ATP2B2: variants seen among roughly 807,000 people sequenced by gnomAD.
The protein encoded by ATP2B2 is ATPase plasma membrane Ca2+ transporting 2.
In ATP2B2, 15 loss-of-function variants were observed where a neutral mutation model predicts 120.0. The ratio of observed to expected loss-of-function variants is 0.12; its 90% confidence interval spans 0.08 to 0.19. The LOEUF (loss-of-function observed/expected upper bound fraction) is 0.19, where lower values mean the gene tolerates loss of function less well. ATP2B2 is among the 10% of genes least tolerant of loss of function. ATP2B2 has a pLI of 1.00. For synonymous variants in ATP2B2, 694 were observed against 700.3 expected (o/e 0.99, Z 0.14); for missense variants, 1,045 against 1,719.8 (o/e 0.61, Z 6.94).
At chr3:10,332,973 G>A (rs757124168) in intron 22 of ATP2B2, among the ~76,000 whole-genome samples, 4 of 152,188 alleles carry the variant, frequency 2.6e-5, no homozygotes, top group African/African-American at 4.8e-5. Context: ...AGTCAGAAGA[G>A]TGCACCAATT....
At position 10,449,785 on chromosome 3, in the gene ATP2B2, T is replaced by C; in HGVS notation, c.-242A>G. 1 of 580,744 alleles carries C rather than the reference T, an allele frequency of 1.7e-6. No homozygotes were observed. Among genetic ancestry groups the C allele is most frequent in the South Asian group, 1.9e-5 (1 of 52,452 alleles). The allele number at this position is 580,744 out of a possible 1,614,324, so 36.0% of individuals were successfully genotyped here. On this transcript the variant is annotated 5_prime_UTR_variant, in exon 2 of 23. Coordinates refer to ENST00000360273, the MANE Select transcript of ATP2B2 (RefSeq NM_001001331.4). ...CAGGGGCCGGAGGGGCTCAGGGCTG[T>C]AGACCCAGGAGTCTCCATTCAGTGG...
intron 2 of ATP2B2, among the ~76,000 whole-genome samples, chr3:10,431,652 TTTG>T (rs1167610130): frequency 6.6e-6 from 1 of 152,188 alleles, no homozygotes; most frequent in Non-Finnish European, 1.5e-5. Flanking sequence ...GAGACATTGT[TTTG>T]TTGTTTTTGA....
chr3:10,564,132 A>T (rs2067959646), intron 2 of ATP2B2, among the ~76,000 whole-genome samples: 1 of 152,188 alleles, frequency 6.6e-6, no homozygotes. Context: ...TAGAATCTCG[A>T]TCTTGTCAGC....
rs540014910 is a variant in ATP2B2, at chr3:10,326,817, G to T, written c.*1997C>A. 2.3e-5 allele frequency: 9 copies of T among 398,938 alleles called. No homozygotes were observed. The highest frequency in any genetic ancestry group is 1.6e-4 in the African/African-American group (8 of 48,706). The allele number at this position is 398,938 out of a possible 1,614,324, so 24.7% of individuals were successfully genotyped here. A position where few individuals can be genotyped will look rare whatever the true frequency, so the allele number is the denominator to read the frequency against. On this transcript the variant is annotated 3_prime_UTR_variant, in exon 23 of 23. Transcript: ENST00000360273. ...CCCCAAACCCTCAAGTTTTTCCACC[G>T]CCATCCAGATGTAGGCCCTCCCAGT...
chr3:10,520,735 C>T (rs571776932), intron 3 of ATP2B2, among the ~76,000 whole-genome samples: 31 of 150,424 alleles, frequency 2.1e-4, no homozygotes, highest in African/African-American at 5.4e-4. Context: ...GGATTACAGG[C>T]GTGAGCCACC....
chr3:10,370,798 G>T (rs1468465041), intron 12 of ATP2B2, among the ~76,000 whole-genome samples: 1 of 152,194 alleles, frequency 6.6e-6, no homozygotes, highest in East Asian at 1.9e-4. Context: ...AAGCTTAGCT[G>T]ATCACCCAGA....
intron 1 of ATP2B2, among the ~76,000 whole-genome samples, chr3:10,703,250 T>C (rs1393233451): frequency 6.6e-6 from 1 of 152,216 alleles, no homozygotes; most frequent in African/African-American, 2.4e-5. Context: ...AATCAGCGTC[T>C]CTGCCCTTTC....
At chr3:10,414,164 G>C (rs571207464) in intron 2 of ATP2B2, among the ~76,000 whole-genome samples, 1 of 152,210 alleles carries the variant, frequency 6.6e-6, no homozygotes, top group African/African-American at 2.4e-5. Flanking sequence ...AGAAAAAGTA[G>C]GTGAGGCCAG....
chr3:10,471,963 C>T (rs2065025504), intron 1 of ATP2B2, among the ~76,000 whole-genome samples: 1 of 151,434 alleles, frequency 6.6e-6, no homozygotes, highest in South Asian at 2.1e-4. Context: ...CGCCTGTAGT[C>T]CCAGCTACTC....
Position 10,420,151 on chromosome 3 carries a change from G to A in ATP2B2, c.200-9336C>T, listed in dbSNP as rs549619285. Among the ~76,000 whole-genome samples the A allele has an allele frequency of 2.6e-5, 4 of 152,324 alleles. No homozygotes were observed. The East Asian group carries it at 7.7e-4, about 29-fold the overall frequency. On this transcript the variant is annotated intron_variant, in intron 2 of 22. Transcript: ENST00000360273. ...AAAGGTGTGTGGCACAGGCTGAGTG[G>A]GGGAGGGCACCACGTGCTTCATATC...
intron 3 of ATP2B2, among the ~76,000 whole-genome samples, chr3:10,523,690 C>T (rs1019028600): frequency 1.3e-5 from 2 of 152,102 alleles, no homozygotes; most frequent in African/African-American, 4.8e-5. Context: ...AGGAAAAATG[C>T]CCCCTTGATG....
At chr3:10,579,189 G>T (rs575681279) in intron 2 of ATP2B2, among the ~76,000 whole-genome samples, 1 of 152,310 alleles carries the variant, frequency 6.6e-6, no homozygotes, top group Non-Finnish European at 1.5e-5. Context: ...CTCAACCAAC[G>T]ATTGCTAAAG....
rs1032418759 is a variant in ATP2B2 at position 10,514,601 on chromosome 3, C to G, written c.-320+19438G>C. On this transcript the variant is annotated intron_variant, in intron 3 of 21. Coordinates refer to the ATP2B2 transcript ENST00000646379. ...CCTGAGGCCCACAGAGTGGTCACCA[C>G]CGGCCTTGAGCACACTGCAGCCAGG... is the stretch of plus-strand genomic sequence containing the variant. Among the ~76,000 whole-genome samples the G allele has an allele frequency of 2.0e-5, 3 of 152,340 alleles. No homozygotes were observed. The South Asian group carries it at 6.2e-4, about 32-fold the overall frequency.
intron 1 of ATP2B2, among the ~76,000 whole-genome samples, chr3:10,476,089 T>C (rs74434195): frequency 2.6e-5 from 4 of 152,298 alleles, no homozygotes; most frequent in Non-Finnish European, 4.4e-5. Flanking sequence ...AAGCATGAGT[T>C]ACCCCGCTAA....
intron 1 of ATP2B2, among the ~76,000 whole-genome samples, chr3:10,486,316 T>C (rs571217429): frequency 2.0e-5 from 2 of 100,810 alleles, no homozygotes; most frequent in South Asian, 7.8e-4. Context: ...GCCAGGTGTG[T>C]GTGCGTGCGT....
intron 1 of ATP2B2, among the ~76,000 whole-genome samples, chr3:10,486,330 T>TGCGTGTGTGTGC (rs138585062): frequency 1.3e-5 from 2 of 149,130 alleles, no homozygotes; most frequent in African/African-American, 2.5e-5. Context: ...CGTGCGTGTG[T>TGCGTGTGTGTGC]GTGTGTGTGT....
At position 10,358,686 on chromosome 3, in the gene ATP2B2, C is replaced by A. The variant is rs761402525; in HGVS notation, c.2136+5G>T. On this transcript the variant is annotated splice_donor_5th_base_variant and intron_variant, in intron 14 of 22. Coordinates refer to ENST00000360273, the MANE Select transcript of ATP2B2 (RefSeq NM_001001331.4). ...TTCCCTGAGCTCGCTGGCCCTGGGG[C>A]CTACCTCTGGCCGCACCGGGTCCTC... 1.4e-5 allele frequency: 23 copies of A among 1,613,960 alleles called. No individual in the cohort carries two copies. Among genetic ancestry groups the A allele is most frequent in the Middle Eastern group, 1.6e-4 (1 of 6,084 alleles).
intron 2 of ATP2B2, among the ~76,000 whole-genome samples, chr3:10,426,511 C>A (rs1037622185): frequency 1.3e-5 from 2 of 152,112 alleles, no homozygotes; most frequent in African/African-American, 2.4e-5. Context: ...ACATAGCAAG[C>A]GCCTCAGTGG....
Position 10,425,724 on chromosome 3 carries a change from C to T in ATP2B2, c.200-14909G>A, listed in dbSNP as rs2063127136. Among the ~76,000 whole-genome samples, 3 of 152,208 alleles carry T rather than the reference C, an allele frequency of 2.0e-5. No homozygotes were observed. The South Asian group carries it at 6.2e-4, about 32-fold the overall frequency. On this transcript the variant is annotated intron_variant, in intron 2 of 22. Transcript: ENST00000360273. The stretch of plus-strand genomic sequence containing the variant: ...ATCCAGCAAAATTCAAGAAAAACAT[C>T]TCAGATATGACCACATCCCTCTGCC...
Sources: allele counts gnomAD v4.1 joint callset (sites outside exome capture counted in the v4.1 genomes callset), GRCh38; gene constraint gnomAD v4.1.1; transcripts MANE v1.5; gene names NCBI Gene and HGNC (gene_info 2026-07-23, HGNC 2026-07-21).